The following WWC1 variants were observed in gnomAD, a reference collection of about 807,000 sequenced individuals.
WWC1 encodes the protein protein KIBRA.
WWC1 carries 55 observed loss-of-function variants against 138.4 expected under a neutral mutation model. The ratio of observed to expected loss-of-function variants is 0.40; its 90% CI spans 0.32 to 0.50. The LOEUF is 0.50. Ranked by LOEUF, WWC1 falls within the 20% of genes least tolerant of loss-of-function variation. The pLI, the probability that WWC1 is intolerant of heterozygous loss-of-function variation, is 0.72. For synonymous variants in WWC1, 524 were observed against 564.9 expected (o/e 0.93, Z 1.03); for missense variants, 1,226 against 1,420.4 (o/e 0.86, Z 2.20).
intron 1 of WWC1, among the ~76,000 whole-genome samples, chr5:168,306,865 G>C (rs1373970828): frequency 6.6e-6 from 1 of 152,246 alleles, no homozygotes; most frequent in African/African-American, 2.4e-5. Context: ...CCAAAGTGCT[G>C]GGATTATAGG....
At chr5:168,324,777 G>A (rs1441926500) in intron 1 of WWC1, among the ~76,000 whole-genome samples, 1 of 152,158 alleles carries the variant, frequency 6.6e-6, no homozygotes, top group African/African-American at 2.4e-5. Context: ...TATATAGCCT[G>A]CCTGTAACAG....
At chr5:168,465,603 G>A (rs1256141345) in intron 21 of WWC1, among the ~76,000 whole-genome samples, 4 of 114,398 alleles carry the variant, frequency 3.5e-5, no homozygotes, top group African/African-American at 1.1e-4. Context: ...TCTGTCGCCC[G>A]GGCTGGAGTG....
intron 1 of WWC1, among the ~76,000 whole-genome samples, chr5:168,363,717 G>T (rs1252730297): frequency 6.6e-6 from 1 of 152,016 alleles, no homozygotes; most frequent in Non-Finnish European, 1.5e-5. Flanking sequence ...AACCCTGAAT[G>T]CCATGTGGTC....
At chr5:168,398,159 A>G (rs1779051941) in intron 4 of WWC1, among the ~76,000 whole-genome samples, 3 of 151,872 alleles carry the variant, frequency 2.0e-5, no homozygotes, top group Admixed American at 6.6e-5. Context: ...GCTGGAGTGC[A>G]GTGGCACGAT....
At chr5:168,373,310 A>T (rs1196198255) in intron 2 of WWC1, among the ~76,000 whole-genome samples, 1 of 152,074 alleles carries the variant, frequency 6.6e-6, no homozygotes, top group Non-Finnish European at 1.5e-5. Flanking sequence ...GCCGTGGCAG[A>T]GTTTATTCTT....
At chr5:168,310,080 G>A (rs574175373) in intron 1 of WWC1, among the ~76,000 whole-genome samples, 7 of 152,252 alleles carry the variant, frequency 4.6e-5, no homozygotes, top group African/African-American at 1.4e-4. Context: ...TGACCTTCTC[G>A]AAGCTGGTCT....
At chr5:168,323,056 C>T (rs1387432740) in intron 1 of WWC1, among the ~76,000 whole-genome samples, 7 of 152,014 alleles carry the variant, frequency 4.6e-5, no homozygotes, top group Non-Finnish European at 7.4e-5. Flanking sequence ...AAAATTTCTT[C>T]GTTTCTTTAA....
intron 1 of WWC1, among the ~76,000 whole-genome samples, chr5:168,295,720 G>C (rs1365840703): frequency 6.6e-6 from 1 of 152,158 alleles, no homozygotes; most frequent in Non-Finnish European, 1.5e-5. Flanking sequence ...TTTGTGTGCT[G>C]GCCGGCCAGG....
chr5:168,436,118 C>T (rs146199038), intron 15 of WWC1, among the ~76,000 whole-genome samples: 20 of 152,272 alleles, frequency 1.3e-4, no homozygotes, highest in African/African-American at 4.6e-4. Flanking sequence ...GGTGGGATTA[C>T]AGACGTGAGC....
chr5:168,339,830 CTTTTTCT>C (rs754504678), intron 1 of WWC1, among the ~76,000 whole-genome samples: 25 of 135,122 alleles, frequency 1.9e-4, no homozygotes, highest in African/African-American at 3.5e-4. Context: ...TTCTTTCTTT[CTTTTTCT>C]TTTCTTTCTT....
chr5:168,435,226 C>T (rs1782258894), intron 15 of WWC1, among the ~76,000 whole-genome samples: 1 of 152,116 alleles, frequency 6.6e-6, no homozygotes, highest in African/African-American at 2.4e-5. Context: ...TAGGTTCTGC[C>T]ATTTCCCTGG....
At chr5:168,312,500 T>G (rs1561595695) in intron 1 of WWC1, among the ~76,000 whole-genome samples, 1 of 152,258 alleles carries the variant, frequency 6.6e-6, no homozygotes, top group Admixed American at 6.5e-5. Flanking sequence ...TTGTGAGAAT[T>G]AAGCATGGAT....
At chr5:168,418,089 GTC>G in intron 9 of WWC1, among the ~76,000 whole-genome samples, 1 of 151,884 alleles carries the variant, frequency 6.6e-6, no homozygotes, top group Admixed American at 6.6e-5. Context: ...TCTATTCTCT[GTC>G]TCTCAAAATG....
chr5:168,439,597 A>G (rs565216867), intron 15 of WWC1, among the ~76,000 whole-genome samples: 6 of 151,590 alleles, frequency 4.0e-5, no homozygotes, highest in Admixed American at 3.9e-4. Context: ...ATTGCACTCC[A>G]GCAGCCTCGG....
In WWC1 at chr5:168,376,215, A is replaced by T. The variant is rs369163798; in HGVS notation, c.229+4682A>T. Among the ~76,000 whole-genome samples the T allele has an allele frequency of 7.9e-5, 12 of 152,084 alleles. 1 individual carries two copies. Among genetic ancestry groups the T allele is most frequent in the Admixed American group, 4.6e-4 (7 of 15,268 alleles). ...ATTACAGGCATGTGCCATCATGCCT[A>T]GCTAATTTTTGTATTTTTAGTAGAG... On this transcript the variant is annotated intron_variant, in intron 2 of 22. Coordinates refer to ENST00000265293, the MANE Select transcript of WWC1 (RefSeq NM_015238.3).
chr5:168,461,059 T>C (rs774845037), intron 20 of WWC1, among the ~76,000 whole-genome samples: 2 of 152,204 alleles, frequency 1.3e-5, no homozygotes, highest in Non-Finnish European at 2.9e-5. Context: ...CCGGGCCCCG[T>C]GGCTCACACC....
At chr5:168,328,342 G>C (rs993012987) in intron 1 of WWC1, among the ~76,000 whole-genome samples, 1 of 152,136 alleles carries the variant, frequency 6.6e-6, no homozygotes, top group African/African-American at 2.4e-5. Context: ...TTCACTTGCT[G>C]GTGAACAACA....
chr5:168,373,303 G>A (rs543065591), intron 2 of WWC1, among the ~76,000 whole-genome samples: 8 of 152,216 alleles, frequency 5.3e-5, no homozygotes, highest in East Asian at 3.9e-4. Flanking sequence ...GTAGCAGGCC[G>A]TGGCAGAGTT....
At chr5:168,382,712 G>T (rs559484760) in intron 2 of WWC1, among the ~76,000 whole-genome samples, 8 of 152,118 alleles carry the variant, frequency 5.3e-5, no homozygotes, top group Non-Finnish European at 1.5e-5. Context: ...TTTTGTCTTT[G>T]TATTATTTTT....
Sources: allele counts gnomAD v4.1 joint callset (sites outside exome capture counted in the v4.1 genomes callset), GRCh38; gene constraint gnomAD v4.1.1; transcripts MANE v1.5; gene names NCBI Gene and HGNC (gene_info 2026-07-23, HGNC 2026-07-21).